The following TSPAN13 variants were observed in gnomAD, a reference collection of about 807,000 sequenced individuals.
TSPAN13 encodes the protein tetraspanin 13, also known as tetraspanin-13.
A neutral mutation model predicts 26.9 loss-of-function variants in TSPAN13; 18 were observed. The ratio of observed to expected loss-of-function variants is 0.67; its 90% CI spans 0.46 to 0.99. TSPAN13 has a LOEUF of 0.99. Ranked by LOEUF, TSPAN13 falls within the 50% of genes least tolerant of loss-of-function variation. The pLI is 0.00. For synonymous variants in TSPAN13, 116 were observed against 98.4 expected (o/e 1.18, Z -1.06); for missense variants, 201 against 249.6 (o/e 0.81, Z 1.31).
rs964359153 is a variant in TSPAN13, at chr7:16,784,506, A to C, written c.*1015A>C. On this transcript the variant is annotated 3_prime_UTR_variant, in exon 6 of 6. Coordinates refer to ENST00000262067, the MANE Select transcript of TSPAN13 (RefSeq NM_014399.4). ...TCTTTGTGTATGCATGTTTGAATTA[A>C]AAGAAAGTAATGGAAGAATTGATCG... The C allele has an allele frequency of 6.6e-6, 1 of 152,196 alleles. No individual in the cohort carries two copies. The highest frequency in any genetic ancestry group is 1.5e-5 in the Non-Finnish European group (1 of 68,028). 9.4% of individuals were successfully genotyped at this position (152,196 alleles called of 1,614,324 possible). A position where few individuals can be genotyped will look rare whatever the true frequency, so the allele number is the denominator to read the frequency against.
intron 1 of TSPAN13, among the ~76,000 whole-genome samples, chr7:16,761,097 C>T (rs1346851102): frequency 3.3e-5 from 5 of 152,062 alleles, no homozygotes; most frequent in Non-Finnish European, 7.4e-5. Flanking sequence ...AACTGGTTAC[C>T]CTTGGAAAAT....
intron 1 of TSPAN13, among the ~76,000 whole-genome samples, chr7:16,773,557 G>A (rs1039104231): frequency 2.6e-5 from 4 of 152,172 alleles, no homozygotes; most frequent in Admixed American, 2.6e-4. Context: ...CGTTTGCAGA[G>A]AAAGTTTGCC....
At chr7:16,777,498 T>C (rs1187435212) in intron 3 of TSPAN13, among the ~76,000 whole-genome samples, 1 of 152,222 alleles carries the variant, frequency 6.6e-6, no homozygotes, top group Non-Finnish European at 1.5e-5. Context: ...GTTTCTGTCA[T>C]GGAGCAACAG....
chr7:16,765,293 A>G (rs923692407), intron 1 of TSPAN13, among the ~76,000 whole-genome samples: 1 of 151,628 alleles, frequency 6.6e-6, no homozygotes, highest in East Asian at 1.9e-4. Context: ...GGTAGAGACA[A>G]GGTCTCCCCA....
intron 1 of TSPAN13, among the ~76,000 whole-genome samples, chr7:16,763,356 G>T: frequency 6.6e-6 from 1 of 152,314 alleles, no homozygotes; most frequent in African/African-American, 2.4e-5. Flanking sequence ...AACACAAGGT[G>T]AAGCTTGTGT....
chr7:16,767,955 C>G (rs746495983), intron 1 of TSPAN13, among the ~76,000 whole-genome samples: 3 of 151,774 alleles, frequency 2.0e-5, no homozygotes, highest in Non-Finnish European at 4.4e-5. Flanking sequence ...TCTTGTTGCC[C>G]AAGCTGAAGT....
At chr7:16,763,029 C>T (rs1157957607) in intron 1 of TSPAN13, among the ~76,000 whole-genome samples, 2 of 152,124 alleles carry the variant, frequency 1.3e-5, no homozygotes, top group Non-Finnish European at 2.9e-5. Flanking sequence ...TCTTTCCCAC[C>T]CTTAAACCCC....
intron 1 of TSPAN13, among the ~76,000 whole-genome samples, chr7:16,756,511 G>A (rs147304332): frequency 2.0e-5 from 3 of 152,302 alleles, no homozygotes; most frequent in African/African-American, 7.2e-5. Flanking sequence ...GTGGCTTGCT[G>A]ATGAGCCTGA....
chr7:16,763,030 C>G (rs2115324658), intron 1 of TSPAN13, among the ~76,000 whole-genome samples: 1 of 152,262 alleles, frequency 6.6e-6, no homozygotes, highest in Non-Finnish European at 1.5e-5. Flanking sequence ...CTTTCCCACC[C>G]TTAAACCCCC....
intron 1 of TSPAN13, among the ~76,000 whole-genome samples, chr7:16,770,499 C>T (rs1037529229): frequency 5.9e-5 from 9 of 152,196 alleles, no homozygotes; most frequent in Admixed American, 3.3e-4. Context: ...CGTGAGCCAC[C>T]GCGCCCAGCC....
intron 1 of TSPAN13, among the ~76,000 whole-genome samples, chr7:16,773,148 G>A (rs893849335): frequency 4.8e-5 from 7 of 147,114 alleles, no homozygotes; most frequent in Admixed American, 1.4e-4. Flanking sequence ...ACTCTTACTC[G>A]CCTTATAAAA....
intron 2 of TSPAN13, 58 bp from the exon 3 acceptor site, chr7:16,776,984 C>A (rs1784758870): frequency 2.5e-6 from 3 of 1,224,298 alleles, no homozygotes; most frequent in Admixed American, 1.8e-5. Flanking sequence ...TACCTCTGTA[C>A]CTCTGTTTTA....
chr7:16,753,849 C>T lies in TSPAN13; in HGVS notation c.-119C>T. On this transcript the variant is annotated 5_prime_UTR_variant, in exon 1 of 6. Coordinates refer to ENST00000262067, the MANE Select transcript of TSPAN13 (RefSeq NM_014399.4). ...GCAGCCCCAGGCCCCGGCCCCCCAC[C>T]CACGTCTGCGTTGCTGCCCCGCCTG... is the stretch of plus-strand genomic sequence containing the variant. The T allele has an allele frequency of 1.8e-6, 2 of 1,109,654 alleles. No individual in the cohort carries two copies. Among genetic ancestry groups the T allele is most frequent in the Non-Finnish European group, 2.7e-6 (2 of 750,452 alleles). 68.7% of individuals were successfully genotyped at this position (1,109,654 alleles called of 1,614,324 possible). A position where few individuals can be genotyped will look rare whatever the true frequency, so the allele number is the denominator to read the frequency against.
chr7:16,777,731 T>C, intron 3 of TSPAN13, 67 bp from the exon 4 acceptor site: 1 of 1,211,144 alleles, frequency 8.3e-7, no homozygotes, highest in Non-Finnish European at 1.2e-6. Context: ...TACTAAAAGT[T>C]ACAGGCTCCA....
intron 1 of TSPAN13, among the ~76,000 whole-genome samples, chr7:16,757,209 G>C (rs927109532): frequency 6.6e-6 from 1 of 152,116 alleles, no homozygotes; most frequent in African/African-American, 2.4e-5. Context: ...AGGTGTGATT[G>C]AATCAAGGAA....
chr7:16,782,504 AC>A (rs1259655899), intron 5 of TSPAN13, among the ~76,000 whole-genome samples: 1 of 152,264 alleles, frequency 6.6e-6, no homozygotes, highest in African/African-American at 2.4e-5. Context: ...CTAAAGAGTT[AC>A]AATTTTCATT....
intron 1 of TSPAN13, among the ~76,000 whole-genome samples, chr7:16,765,702 C>T (rs1216535971): frequency 6.6e-6 from 1 of 152,182 alleles, no homozygotes. Context: ...AAAAACATTA[C>T]CAGCAATGAA....
intron 5 of TSPAN13, among the ~76,000 whole-genome samples, chr7:16,782,374 G>A (rs540890251): frequency 4.6e-5 from 7 of 152,256 alleles, no homozygotes; most frequent in South Asian, 2.1e-4. Context: ...GTTTAAAAGG[G>A]CTAATGGTGG....
At position 16,771,941 on chromosome 7, in the gene TSPAN13, A is replaced by G. The variant is rs1390187666; in HGVS notation, c.64-4270A>G. ...TCTTTTTTGCCTCTATCTGCAGGAA[A>G]AGAAAAAAACCAGAACAGAGGTACT... On this transcript the variant is annotated intron_variant, in intron 1 of 5. Transcript: ENST00000262067. 1.3e-5 allele frequency among the ~76,000 whole-genome samples: 2 copies of G among 152,182 alleles called. 1 individual carries two copies. Among genetic ancestry groups the G allele is most frequent in the East Asian group, 3.9e-4 (2 of 5,194 alleles).
Sources: gnomAD v4.1 joint callset for allele counts (sites outside exome capture counted in the v4.1 genomes callset) on GRCh38, gnomAD v4.1.1 for gene constraint, MANE v1.5 for transcripts, NCBI Gene and HGNC (gene_info 2026-07-23, HGNC 2026-07-21) for gene names.